The following TRIM13 variants were observed in gnomAD, a reference collection of about 807,000 sequenced individuals.
TRIM13 encodes E3 ubiquitin-protein ligase TRIM13.
Under a neutral mutation model 27.1 loss-of-function variants are expected in TRIM13, and 15 were observed. That is an observed-to-expected ratio of 0.55 (90% CI 0.37 to 0.85). The LOEUF (loss-of-function observed/expected upper bound fraction) is 0.85, where lower values mean the gene tolerates loss of function less well. Among genes scored for constraint, TRIM13 ranks in the 40% least tolerant of loss-of-function variants. TRIM13 has a pLI of 0.00. For synonymous variants in TRIM13, 193 were observed against 171.5 expected, an observed-to-expected ratio of 1.13 and a Z score of -0.98; for missense variants, 402 against 472.2, an observed-to-expected ratio of 0.85 and a Z score of 1.38.
intron 1 of TRIM13, among the ~76,000 whole-genome samples, chr13:49,998,977 GAA>G (rs1047176682): frequency 1.3e-5 from 2 of 150,702 alleles, no homozygotes; most frequent in Non-Finnish European, 3.0e-5. Context: ...CAGAAAGCCT[GAA>G]AAGTCAAGCT....
At chr13:50,001,821 A>G (rs565317498) in intron 1 of TRIM13, among the ~76,000 whole-genome samples, 1 of 152,308 alleles carries the variant, frequency 6.6e-6, no homozygotes, top group African/African-American at 2.4e-5. Context: ...TGATCTCTGT[A>G]TCTTACTTTG....
chr13:50,007,346 C>A (rs1241613282), intron 1 of TRIM13, among the ~76,000 whole-genome samples: 2 of 150,736 alleles, frequency 1.3e-5, no homozygotes, highest in Non-Finnish European at 2.9e-5. Context: ...ACAAAATTAG[C>A]CGGGCGTGGT....
chr13:50,017,087 G>A lies in TRIM13; in HGVS notation c.*3923G>A, dbSNP rs1217819402. The A allele has an allele frequency of 1.8e-5, 3 of 166,814 alleles. No homozygotes were observed. Among genetic ancestry groups the A allele is most frequent in the East Asian group, 1.9e-4 (1 of 5,198 alleles). The allele number at this position is 166,814 out of a possible 1,614,324, so 10.3% of individuals were successfully genotyped here. On this transcript the variant is annotated 3_prime_UTR_variant, in exon 2 of 2. Transcript: ENST00000378182. ...CAAAAGAGTTTGAAATGTCATTTTGGGAAAAGAGAGCCAGTCAAGCTAGTA... is the reference window on the plus strand; with the variant it reads ...CAAAAGAGTTTGAAATGTCATTTTGAGAAAAGAGAGCCAGTCAAGCTAGTA...
intron 1 of TRIM13, among the ~76,000 whole-genome samples, chr13:50,005,684 AAGAG>A (rs991401926): frequency 2.0e-5 from 3 of 151,882 alleles, no homozygotes; most frequent in South Asian, 4.2e-4. Flanking sequence ...CTAAAAAAAA[AAGAG>A]AGAAGGCATA....
Position 50,014,867 on chromosome 13 carries a change from T to C in TRIM13, c.*1703T>C, listed in dbSNP as rs1018950948. 4.2e-5 allele frequency: 7 copies of C among 166,448 alleles called. No homozygotes were observed. The highest frequency in any genetic ancestry group is 1.0e-4 in the Non-Finnish European group (7 of 68,010). 10.3% of individuals were successfully genotyped at this position (166,448 alleles called of 1,614,324 possible). A position where few individuals can be genotyped will look rare whatever the true frequency, so the allele number is the denominator to read the frequency against. ...TGGGGACAGGATAAAAGGTGGCAACTAAATTTAAAGCACAGAAGAAATGAT... is the reference window on the plus strand; with the variant it reads ...TGGGGACAGGATAAAAGGTGGCAACCAAATTTAAAGCACAGAAGAAATGAT... On this transcript the variant is annotated 3_prime_UTR_variant, in exon 2 of 2. Transcript: ENST00000378182.
chr13:50,012,428 C>T lies in TRIM13; in HGVS notation c.488C>T (p.Thr163Ile). ...RRGDALSRLDTLETSKRKSLQ... is the reference protein window; with the variant it reads ...RRGDALSRLDILETSKRKSLQ... ...GGAGATGCTCTTTCTCGCTTGGATACCTTGGAAACTAGTAAGAGGAAATCC... is the reference window on the plus strand; with the variant it reads ...GGAGATGCTCTTTCTCGCTTGGATATCTTGGAAACTAGTAAGAGGAAATCC... The change falls in exon 2 of 2, where the codon ACC becomes ATC. Residue 163 changes from threonine (T) to isoleucine (I), a missense_variant. This residue lies in a region of TRIM13 where 202 missense variants were observed against 277.5 expected (regional missense o/e 0.73). Coordinates refer to ENST00000378182, the MANE Select transcript of TRIM13 (RefSeq NM_213590.3). The T allele has an allele frequency of 6.2e-7, 1 of 1,613,960 alleles. No individual in the cohort carries two copies. The highest frequency in any genetic ancestry group is 8.5e-7 in the Non-Finnish European group (1 of 1,179,952).
intron 1 of TRIM13, among the ~76,000 whole-genome samples, chr13:50,004,601 A>G (rs1258363854): frequency 6.6e-6 from 1 of 152,050 alleles, no homozygotes; most frequent in Non-Finnish European, 1.5e-5. Context: ...TGTCTCTACT[A>G]AAAACACAAA....
At position 50,014,442 on chromosome 13, in the gene TRIM13, G is replaced by A. The variant is rs1267347305; in HGVS notation, c.*1278G>A. ...AGAACACATGGCAAGAGCAGGAAAT[G>A]GGAAGACTACCTTTTTTCTGGCAGC... On this transcript the variant is annotated 3_prime_UTR_variant, in exon 2 of 2. Coordinates refer to ENST00000378182, the MANE Select transcript of TRIM13 (RefSeq NM_213590.3). 1.9e-5 allele frequency: 3 copies of A among 161,350 alleles called. No individual in the cohort carries two copies. The highest frequency in any genetic ancestry group is 4.1e-4 in the East Asian group (2 of 4,926). The allele number at this position is 161,350 out of a possible 1,614,324, so 10.0% of individuals were successfully genotyped here.
In TRIM13 at chr13:50,014,344, A is replaced by AAAAAAAAAAAAAAAAAAAAAAAAATAT. The variant is rs1555325057; in HGVS notation, c.*1181_*1182insAAAAAAAAAAAAAAAAAAAAAAATATA. The AAAAAAAAAAAAAAAAAAAAAAAAATAT allele has an allele frequency of 5.1e-5, 1 of 19,718 alleles. No individual in the cohort carries two copies. Among genetic ancestry groups the AAAAAAAAAAAAAAAAAAAAAAAAATAT allele is most frequent in the Non-Finnish European group, 8.3e-5 (1 of 12,100 alleles). The allele number at this position is 19,718 out of a possible 1,614,324, so 1.2% of individuals were successfully genotyped here. ...AAAAAAAAAAAAAAAAAAAAAAAAA[A>AAAAAAAAAAAAAAAAAAAAAAAAATAT]ATATATATATATATATACACACACA... On this transcript the variant is annotated 3_prime_UTR_variant, in exon 2 of 2. Transcript: ENST00000378182.
Position 50,015,693 on chromosome 13 carries a change from C to T in TRIM13, c.*2529C>T. On this transcript the variant is annotated 3_prime_UTR_variant, in exon 2 of 2. Transcript: ENST00000378182. ...AGTTTCATCTTAGATTTTTTGAGAA[C>T]TCACCAGCTTTTATTACCCACTGAA... is the stretch of plus-strand genomic sequence containing the variant. 1 of 1,614,078 alleles carries T rather than the reference C, an allele frequency of 6.2e-7. No individual in the cohort carries two copies. The highest frequency in any genetic ancestry group is 8.5e-7 in the Non-Finnish European group (1 of 1,179,946).
intron 1 of TRIM13, among the ~76,000 whole-genome samples, chr13:50,005,682 AAAAG>A (rs1033078104): frequency 2.0e-5 from 3 of 151,936 alleles, no homozygotes; most frequent in African/African-American, 4.8e-5. Context: ...CTCTAAAAAA[AAAAG>A]AGAGAAGGCA....
intron 1 of TRIM13, among the ~76,000 whole-genome samples, chr13:50,008,639 CAAAAT>C (rs1028768302): frequency 1.3e-5 from 2 of 151,838 alleles, no homozygotes; most frequent in Non-Finnish European, 2.9e-5. Context: ...CCCTGTCTCT[CAAAAT>C]AAGAATTAAA....
At position 50,015,161 on chromosome 13, in the gene TRIM13, G is replaced by C. The variant is rs1876376835; in HGVS notation, c.*1997G>C. 1 of 126,624 alleles carries C rather than the reference G, an allele frequency of 7.9e-6. No individual in the cohort carries two copies. The highest frequency in any genetic ancestry group is 1.7e-5 in the Non-Finnish European group (1 of 60,148). The allele number at this position is 126,624 out of a possible 1,614,324, so 7.8% of individuals were successfully genotyped here. A position where few individuals can be genotyped will look rare whatever the true frequency, so the allele number is the denominator to read the frequency against. ...TATATATATATATATAGTTTTACTA[G>C]GTTTTCATGGATAAGTTTTTAAATG... is the stretch of plus-strand genomic sequence containing the variant. On this transcript the variant is annotated 3_prime_UTR_variant, in exon 2 of 2. Coordinates refer to ENST00000378182, the MANE Select transcript of TRIM13 (RefSeq NM_213590.3).
At chr13:50,000,157 G>T (rs1389762216) in intron 1 of TRIM13, among the ~76,000 whole-genome samples, 1 of 152,110 alleles carries the variant, frequency 6.6e-6, no homozygotes, top group African/African-American at 2.4e-5. Flanking sequence ...TTAAACTCGG[G>T]TAGGTATGGT....
At chr13:50,006,005 G>A (rs1874660819) in intron 1 of TRIM13, among the ~76,000 whole-genome samples, 1 of 151,946 alleles carries the variant, frequency 6.6e-6, no homozygotes. Flanking sequence ...GTAAACCACC[G>A]CGCTTGGCCA....
intron 1 of TRIM13, among the ~76,000 whole-genome samples, chr13:49,999,031 G>T (rs1873654118): frequency 6.6e-6 from 1 of 151,902 alleles, no homozygotes; most frequent in Non-Finnish European, 1.5e-5. Context: ...ATATGTAAAT[G>T]TAGCCTGCTG....
Position 50,000,379 on chromosome 13 carries a change from T to C in TRIM13, c.-7+2616T>C, listed in dbSNP as rs76735161. ...GACCCAGAAGTACATTTAAAGGAAT[T>C]GTCTAAGGAAGTAATTAGAGCTGTG... On this transcript the variant is annotated intron_variant, in intron 1 of 1. Coordinates refer to ENST00000378182, the MANE Select transcript of TRIM13 (RefSeq NM_213590.3). 5.3e-5 allele frequency among the ~76,000 whole-genome samples: 8 copies of C among 152,286 alleles called. No homozygotes were observed. The East Asian group carries it at 1.5e-3, about 29-fold the overall frequency.
At chr13:49,999,942 A>G (rs1301956894) in intron 1 of TRIM13, among the ~76,000 whole-genome samples, 2 of 152,156 alleles carry the variant, frequency 1.3e-5, no homozygotes, top group Non-Finnish European at 2.9e-5. Flanking sequence ...GCTGTGTACA[A>G]CTGATGAGTC....
rs746245177 is a variant in TRIM13, at chr13:50,017,730, C to G, written c.*4566C>G. ...GGATCTCTGGTGATTGGGATGAAAA[C>G]TCTGGCCTTAAAAGGTCCACTTTTA... On this transcript the variant is annotated 3_prime_UTR_variant, in exon 2 of 2. Transcript: ENST00000378182. 3 of 167,014 alleles carry G rather than the reference C, an allele frequency of 1.8e-5. No individual in the cohort carries two copies. Among genetic ancestry groups the G allele is most frequent in the Non-Finnish European group, 4.4e-5 (3 of 68,116 alleles). 10.3% of individuals were successfully genotyped at this position (167,014 alleles called of 1,614,324 possible). A position where few individuals can be genotyped will look rare whatever the true frequency, so the allele number is the denominator to read the frequency against.
Sources: allele counts gnomAD v4.1 joint callset (sites outside exome capture counted in the v4.1 genomes callset), GRCh38; gene constraint gnomAD v4.1.1; regional missense constraint gnomAD v4.1.1; transcripts MANE v1.5; gene names NCBI Gene and HGNC (gene_info 2026-07-23, HGNC 2026-07-21).